ZNF717: variants seen among roughly 807,000 people sequenced by gnomAD.
ZNF717 encodes the protein krueppel-like factor X17.
Under a neutral mutation model 13.8 loss-of-function variants are expected in ZNF717, and 9 were observed. The ratio of observed to expected loss-of-function variants is 0.65; its 90% confidence interval spans 0.39 to 1.14. ZNF717 has a LOEUF of 1.14. ZNF717 is among the 50% of genes most tolerant of loss of function. The pLI, the probability that ZNF717 is intolerant of heterozygous loss-of-function variation, is 0.01. For synonymous variants in ZNF717, 327 were observed against 364.1 expected, an observed-to-expected ratio of 0.90 and a Z score of 1.16; for missense variants, 1,040 against 1,080.7, an observed-to-expected ratio of 0.96 and a Z score of 0.53.
At chr3:75,761,241 A>G (rs1169387731) in intron 2 of ZNF717, among the ~76,000 whole-genome samples, 2 of 152,258 alleles carry the variant, frequency 1.3e-5, no homozygotes, top group Non-Finnish European at 2.9e-5. Context: ...GCTCTGCAAA[A>G]TATTCAAAAA....
At chr3:75,704,989 A>T (rs77692306), downstream of ZNF717, among the ~76,000 whole-genome samples, 1 of 142,146 alleles carries the variant, frequency 7.0e-6, no homozygotes, top group Non-Finnish European at 1.6e-5. Flanking sequence ...ATAAGATCAG[A>T]TATGCCTGTT....
intron 2 of ZNF717, among the ~76,000 whole-genome samples, chr3:75,779,283 A>G (rs1214361611): frequency 6.6e-6 from 1 of 151,904 alleles, no homozygotes; most frequent in African/African-American, 2.4e-5. Flanking sequence ...ACCCAAAACA[A>G]TGGGAGTGAT....
intron 2 of ZNF717, among the ~76,000 whole-genome samples, chr3:75,770,352 G>C (rs1943792583): frequency 6.6e-6 from 1 of 152,150 alleles, no homozygotes; most frequent in Non-Finnish European, 1.5e-5. Flanking sequence ...CCTGAGGTCG[G>C]GAGTTCGAGA....
intron 2 of ZNF717, among the ~76,000 whole-genome samples, chr3:75,754,400 A>G (rs1942285403): frequency 6.6e-6 from 1 of 151,846 alleles, no homozygotes; most frequent in South Asian, 2.1e-4. Context: ...AAGCTTCAGA[A>G]GCAGACAAAC....
intron 2 of ZNF717, among the ~76,000 whole-genome samples, chr3:75,776,947 C>T (rs1482381679): frequency 6.6e-6 from 1 of 152,168 alleles, no homozygotes; most frequent in African/African-American, 2.4e-5. Context: ...CTAACTCATT[C>T]TTTAATCTAT....
chr3:75,701,498 G>A (rs1307590353), intron 6 of ZNF717, among the ~76,000 whole-genome samples: 9 of 152,402 alleles, frequency 5.9e-5, no homozygotes, highest in South Asian at 2.1e-4. Context: ...GTGAAACCCC[G>A]TCTCTACTAA....
chr3:75,698,812 G>A (rs9828222), intron 6 of ZNF717, among the ~76,000 whole-genome samples: 1,525 of 143,524 alleles, frequency 0.011, no homozygotes, highest in African/African-American at 0.043. Context: ...GGAGATCTGC[G>A]AGGAGAAGAT....
intron 2 of ZNF717, 88 bp from the exon 3 acceptor site, chr3:75,741,824 C>T: frequency 6.6e-7 from 1 of 1,506,282 alleles, no homozygotes; most frequent in Non-Finnish European, 8.9e-7. Flanking sequence ...GCCACTCCTC[C>T]CAGGTGAAGT....
intron 2 of ZNF717, among the ~76,000 whole-genome samples, chr3:75,742,974 T>C (rs1407687144): frequency 6.6e-6 from 1 of 152,218 alleles, no homozygotes; most frequent in Admixed American, 6.5e-5. Flanking sequence ...CATAAGATGA[T>C]GATGAAACAT....
At chr3:75,708,604 A>G (rs1344126027), downstream of ZNF717, among the ~76,000 whole-genome samples, 1 of 152,230 alleles carries the variant, frequency 6.6e-6, no homozygotes, top group Non-Finnish European at 1.5e-5. Flanking sequence ...GCAATGGAAC[A>G]AAGCTGGACG....
chr3:75,721,236 C>T (rs78504553), intron 4 of ZNF717, among the ~76,000 whole-genome samples: 82 of 144,566 alleles, frequency 5.7e-4, no homozygotes, highest in Middle Eastern at 4.1e-3. Flanking sequence ...AGAATTAATG[C>T]CTAAATATGC....
chr3:75,782,757 C>T (rs775752886), intron 2 of ZNF717, among the ~76,000 whole-genome samples: 98 of 152,248 alleles, frequency 6.4e-4, no homozygotes, highest in African/African-American at 2.2e-3. Context: ...CGTGCTTTAG[C>T]GGACGATGAC....
At position 75,746,517 on chromosome 3, in the gene ZNF717, A is replaced by T. The variant is rs201096926; in HGVS notation, c.58-4781T>A. Among the ~76,000 whole-genome samples, 3 of 152,070 alleles carry T rather than the reference A, an allele frequency of 2.0e-5. No homozygotes were observed. The South Asian group carries it at 6.2e-4, about 32-fold the overall frequency. On this transcript the variant is annotated intron_variant, in intron 2 of 4. Transcript: ENST00000652011. ...CCACTAACAGTGTAAAAGTGTTCCT[A>T]TTTCTCCACATCCTCTCCAGCACCT...
intron 6 of ZNF717, among the ~76,000 whole-genome samples, chr3:75,699,435 G>A (rs997530658): frequency 0.016 from 2,250 of 138,116 alleles, no homozygotes; most frequent in Non-Finnish European, 0.027. Context: ...TAGTGGGGAG[G>A]TGATTGAATC....
chr3:75,719,960 AAAT>A (rs1178109185), intron 4 of ZNF717, among the ~76,000 whole-genome samples: 8 of 93,050 alleles, frequency 8.6e-5, no homozygotes, highest in African/African-American at 4.0e-4. Flanking sequence ...CTCCATCTCA[AAAT>A]AATAATAAAT....
chr3:75,747,606 T>C (rs1941298282), intron 2 of ZNF717, among the ~76,000 whole-genome samples: 1 of 152,186 alleles, frequency 6.6e-6, no homozygotes, highest in East Asian at 1.9e-4. Flanking sequence ...CTAGGTAACT[T>C]ATTCTCTTTG....
At chr3:75,770,708 G>A (rs1314557961) in intron 2 of ZNF717, among the ~76,000 whole-genome samples, 1 of 152,178 alleles carries the variant, frequency 6.6e-6, no homozygotes, top group Non-Finnish European at 1.5e-5. Context: ...TACACATAAG[G>A]GAAGAGAGGA....
At chr3:75,734,112 C>T (rs534775507), downstream of ZNF717, among the ~76,000 whole-genome samples, 103 of 152,184 alleles carry the variant, frequency 6.8e-4, 1 homozygote, top group Middle Eastern at 6.8e-3. Context: ...CTCTGTTGCC[C>T]AGGCTGGAGT....
At chr3:75,721,545 T>C (rs1938166767) in intron 4 of ZNF717, among the ~76,000 whole-genome samples, 1 of 152,218 alleles carries the variant, frequency 6.6e-6, no homozygotes, top group East Asian at 1.9e-4. Flanking sequence ...CCTCCCAAAG[T>C]GCTGGGATTA....
Sources: gnomAD v4.1 joint callset for allele counts (sites outside exome capture counted in the v4.1 genomes callset) on GRCh38, gnomAD v4.1.1 for gene constraint, MANE v1.5 for transcripts, NCBI Gene and HGNC (gene_info 2026-07-23, HGNC 2026-07-21) for gene names.